TRDN: variants seen among roughly 807,000 people sequenced by gnomAD.
TRDN encodes triadin in skeletal muscle.
In TRDN, 161 loss-of-function variants were observed where a neutral mutation model predicts 149.7. That is an observed-to-expected ratio of 1.08 (90% CI 0.95 to 1.23). The LOEUF is 1.23. Among genes scored for constraint, TRDN ranks in the 50% most tolerant of loss-of-function variants. The pLI, the probability that TRDN is intolerant of heterozygous loss-of-function variation, is 0.00. For synonymous variants in TRDN, 294 were observed against 250.5 expected (o/e 1.17, Z -1.64); for missense variants, 896 against 823.5 (o/e 1.09, Z -1.08).
intron 1 of TRDN, among the ~76,000 whole-genome samples, chr6:123,623,117 G>A (rs1178206687): frequency 2.6e-5 from 4 of 152,010 alleles, no homozygotes; most frequent in African/African-American, 9.7e-5. Flanking sequence ...AGGGAAGTAT[G>A]TCATTCCATT....
At chr6:123,533,745 G>A (rs1291949639) in intron 4 of TRDN, among the ~76,000 whole-genome samples, 1 of 152,014 alleles carries the variant, frequency 6.6e-6, no homozygotes, top group African/African-American at 2.4e-5. Flanking sequence ...CTCAGGAGAA[G>A]GGAAATGCTA....
chr6:123,366,258 A>G (rs1025179764), intron 19 of TRDN, 76 bp from the exon 20 acceptor site: 36 of 1,370,182 alleles, frequency 2.6e-5, no homozygotes, highest in Non-Finnish European at 3.6e-5. Context: ...TATTGAGAAT[A>G]AAATTAAAGA....
At chr6:123,319,717 G>A (rs568289874) in intron 23 of TRDN, among the ~76,000 whole-genome samples, 6 of 152,124 alleles carry the variant, frequency 3.9e-5, no homozygotes, top group Non-Finnish European at 5.9e-5. Flanking sequence ...GAAGCCCTTC[G>A]TTTTGGGCTA....
At chr6:123,360,720 G>A (rs886995619) in intron 20 of TRDN, among the ~76,000 whole-genome samples, 12 of 142,988 alleles carry the variant, frequency 8.4e-5, no homozygotes, top group Non-Finnish European at 1.3e-4. Context: ...AGAGAGAGAC[G>A]GAGAGAGAGA....
intron 1 of TRDN, among the ~76,000 whole-genome samples, chr6:123,575,878 G>A (rs1360294388): frequency 2.0e-5 from 3 of 152,056 alleles, no homozygotes; most frequent in African/African-American, 7.2e-5. Context: ...TATTTTTCCT[G>A]TGGGACGCTG....
intron 10 of TRDN, among the ~76,000 whole-genome samples, chr6:123,439,404 T>C (rs988906245): frequency 2.0e-5 from 3 of 152,234 alleles, no homozygotes; most frequent in Admixed American, 6.5e-5. Context: ...TTTGTTTTCT[T>C]TTATACATTT....
intron 12 of TRDN, among the ~76,000 whole-genome samples, chr6:123,437,189 G>T (rs1000071641): frequency 1.3e-5 from 2 of 151,880 alleles, no homozygotes; most frequent in Non-Finnish European, 2.9e-5. Flanking sequence ...TTGCAATGTG[G>T]TATTGTTATT....
chr6:123,354,144 T>C (rs1408154573), intron 20 of TRDN, among the ~76,000 whole-genome samples: 2 of 151,782 alleles, frequency 1.3e-5, no homozygotes, highest in African/African-American at 2.4e-5. Context: ...TCAAATTCCC[T>C]TGAAGGGCAA....
chr6:123,327,158 C>T (rs1779487986), intron 23 of TRDN, among the ~76,000 whole-genome samples: 1 of 152,002 alleles, frequency 6.6e-6, no homozygotes, highest in African/African-American at 2.4e-5. Flanking sequence ...CTCAATGATA[C>T]ATCTGTCATC....
chr6:123,449,462 AAG>A (rs374484891), intron 10 of TRDN, among the ~76,000 whole-genome samples: 1 of 152,214 alleles, frequency 6.6e-6, no homozygotes, highest in African/African-American at 2.4e-5. Flanking sequence ...AATTAAAAGA[AAG>A]AAATTCAGAG....
intron 9 of TRDN, chr6:123,488,691 T>A (rs1162666429): frequency 4.8e-5 from 7 of 144,850 alleles, no homozygotes; most frequent in Non-Finnish European, 1.0e-4. Flanking sequence ...AACGATCTTG[T>A]ACAACATTTC....
chr6:123,378,615 G>C (rs116727588), intron 16 of TRDN, among the ~76,000 whole-genome samples: 1,718 of 152,146 alleles, frequency 0.011, 28 homozygotes, highest in African/African-American at 0.039. Context: ...CAGCACCGCA[G>C]CTTATTGCAG....
chr6:123,616,778 T>C (rs991988555), intron 1 of TRDN, among the ~76,000 whole-genome samples: 1 of 152,212 alleles, frequency 6.6e-6, no homozygotes, highest in African/African-American at 2.4e-5. Context: ...TTTCTAACTT[T>C]TATTTTTACA....
intron 13 of TRDN, among the ~76,000 whole-genome samples, chr6:123,390,371 T>C (rs1782060866): frequency 6.6e-6 from 1 of 152,204 alleles, no homozygotes. Flanking sequence ...AAACAATCTG[T>C]ACATATGCAT....
chr6:123,381,846 CT>C (rs538511439), intron 15 of TRDN, among the ~76,000 whole-genome samples: 52 of 151,830 alleles, frequency 3.4e-4, no homozygotes, highest in African/African-American at 1.2e-3. Context: ...TTTTCAATTT[CT>C]TGTTAAGTAA....
chr6:123,618,448 A>G (rs900626102), intron 1 of TRDN, among the ~76,000 whole-genome samples: 81 of 152,266 alleles, frequency 5.3e-4, no homozygotes, highest in African/African-American at 1.9e-3. Context: ...CCGTGATTTT[A>G]TTGGGCCCAC....
At chr6:123,457,857 T>C (rs1776222540) in intron 10 of TRDN, among the ~76,000 whole-genome samples, 2 of 152,316 alleles carry the variant, frequency 1.3e-5, no homozygotes, top group South Asian at 2.1e-4. Flanking sequence ...CAAAATATTC[T>C]AAAGATTCCA....
At chr6:123,358,249 G>A (rs928822229) in intron 20 of TRDN, among the ~76,000 whole-genome samples, 7 of 152,240 alleles carry the variant, frequency 4.6e-5, no homozygotes, top group Admixed American at 6.5e-5. Context: ...AGGAGACAAA[G>A]CAGCTAACAC....
At chr6:123,441,383 A>G (rs920053856) in intron 10 of TRDN, among the ~76,000 whole-genome samples, 1 of 152,164 alleles carries the variant, frequency 6.6e-6, no homozygotes, top group Non-Finnish European at 1.5e-5. Context: ...TGTAACAGCT[A>G]GAGAAGAATT....
Sources: gnomAD v4.1 joint callset for allele counts (sites outside exome capture counted in the v4.1 genomes callset) on GRCh38, gnomAD v4.1.1 for gene constraint, MANE v1.5 for transcripts, NCBI Gene and HGNC (gene_info 2026-07-23, HGNC 2026-07-21) for gene names.